The following ANO1 variants were observed in gnomAD, a reference collection of about 807,000 sequenced individuals.
ANO1 encodes anoctamin-1.
In ANO1, 59 loss-of-function variants were observed where a neutral mutation model predicts 124.0. That is an observed-to-expected ratio of 0.48 (90% CI 0.39 to 0.59). The LOEUF (loss-of-function observed/expected upper bound fraction) is 0.59, where lower values mean the gene tolerates loss of function less well. ANO1 is among the 20% of genes least tolerant of loss of function. The probability of loss-of-function intolerance (pLI) is 0.00; values close to 1 mark genes in which losing one functional copy is unlikely to be tolerated. For missense variants in ANO1, 1,059 were observed against 1,328.0 expected (o/e 0.80, Z 3.15); for synonymous variants, 529 against 532.0 (o/e 0.99, Z 0.08).
rs75892674 is a variant in ANO1 at position 70,117,516 on chromosome 11, C to T, written c.897+1017C>T. Among the ~76,000 whole-genome samples, 315 of 152,272 alleles carry T rather than the reference C, an allele frequency of 2.1e-3. 1 individual carries two copies. Among genetic ancestry groups the T allele is most frequent in the African/African-American group, 7.3e-3 (305 of 41,544 alleles). ...AAGCTCTGCTTCTCTACCATGCCCC[C>T]GAAAAGAACATGTCCCCACCACATC... On this transcript the variant is annotated intron_variant, in intron 8 of 25. Coordinates refer to ENST00000355303, the MANE Select transcript of ANO1 (RefSeq NM_018043.7).
intron 24 of ANO1, among the ~76,000 whole-genome samples, chr11:70,183,080 GC>G (rs1327418179): frequency 1.3e-5 from 2 of 152,204 alleles, no homozygotes; most frequent in Non-Finnish European, 2.9e-5. Flanking sequence ...CTGCACTCCA[GC>G]CTGGGCAACA....
intron 2 of ANO1, among the ~76,000 whole-genome samples, chr11:70,094,035 G>A (rs149762011): frequency 2.6e-5 from 4 of 152,290 alleles, no homozygotes; most frequent in African/African-American, 9.6e-5. Flanking sequence ...CTTGTGGAGT[G>A]GTGGGTGAGG....
Position 70,171,069 on chromosome 11 carries a change from G to A in ANO1, c.2350+30G>A. 3 of 1,604,630 alleles carry A rather than the reference G, an allele frequency of 1.9e-6. No homozygotes were observed. The South Asian group carries it at 3.3e-5, about 18-fold the overall frequency. On this transcript the variant is annotated intron_variant, in intron 22 of 25. Transcript: ENST00000355303. ...GTGACCCCACGGGCCGGCAGAACCG[G>A]TTCCGAGTGCGTGCTGGGTTTGGGG...
At chr11:70,010,179 G>GTTTGTGTGTGTATATATATATATATA in intron 1 of ANO1, among the ~76,000 whole-genome samples, 4 of 83,808 alleles carry the variant, frequency 4.8e-5, no homozygotes, top group Admixed American at 2.5e-4. Context: ...GTGTGTGTGT[G>GTTTGTGTGTGTATATATATATATATA]TATATATATA....
chr11:70,009,245 G>C (rs1856547439), intron 1 of ANO1, among the ~76,000 whole-genome samples: 1 of 152,194 alleles, frequency 6.6e-6, no homozygotes, highest in Non-Finnish European at 1.5e-5. Flanking sequence ...CTAGCTGGGA[G>C]CCCACAGATC....
chr11:70,036,205 C>T (rs887007983), intron 1 of ANO1, among the ~76,000 whole-genome samples: 5 of 152,144 alleles, frequency 3.3e-5, no homozygotes, highest in South Asian at 4.1e-4. Context: ...TTCCTTGCCC[C>T]GTACAGTCCC....
chr11:70,030,085 GA>G (rs1409754575), intron 1 of ANO1, among the ~76,000 whole-genome samples: 1 of 152,202 alleles, frequency 6.6e-6, no homozygotes, highest in African/African-American at 2.4e-5. Flanking sequence ...AGGGCAGAGG[GA>G]AACAAAAGCA....
rs138639753 is a variant in ANO1 at position 69,992,516 on chromosome 11, C to T, written c.58+6350C>T. ...CTCTTGGTGAATCCATCAGGATGGGCCAGCCACACCTGGCTGGGCAGGGGA... is the reference window on the plus strand; with the variant it reads ...CTCTTGGTGAATCCATCAGGATGGGTCAGCCACACCTGGCTGGGCAGGGGA... On this transcript the variant is annotated intron_variant, in intron 1 of 27. Transcript: ENST00000531349. 7.0e-3 allele frequency among the ~76,000 whole-genome samples: 1,063 copies of T among 152,246 alleles called. 10 individuals are homozygous for T. The highest frequency in any genetic ancestry group is 0.025 in the African/African-American group (1,030 of 41,530).
Position 70,057,257 on chromosome 11 carries a change from T to G in ANO1, c.59-21285T>G, listed in dbSNP as rs76116153. Among the ~76,000 whole-genome samples the G allele has an allele frequency of 7.2e-4, 110 of 152,320 alleles. 1 individual carries two copies. The highest frequency in any genetic ancestry group is 1.4e-3 in the Non-Finnish European group (93 of 68,024). ...ATGATGTTCTCTTCTTCCGAGAGGA[T>G]TCTTGTCTTTTTGGCAGGCAGAATG... On this transcript the variant is annotated intron_variant, in intron 1 of 27. Transcript: ENST00000531349.
rs142856347 is a variant in ANO1, at chr11:70,104,441, C to T, written c.692+291C>T. Among the ~76,000 whole-genome samples the T allele has an allele frequency of 4.5e-3, 685 of 152,288 alleles. 4 individuals are homozygous for T. The highest frequency in any genetic ancestry group is 0.013 in the African/African-American group (548 of 41,570). ...TCTAGACATGCCTTCCCACCCGCTC[C>T]GCACCCCTGCCCCGCCACCCCATCC... On this transcript the variant is annotated intron_variant, in intron 4 of 25. Transcript: ENST00000355303.
At chr11:70,180,406 G>A (rs1052082294) in intron 23 of ANO1, among the ~76,000 whole-genome samples, 2 of 152,176 alleles carry the variant, frequency 1.3e-5, no homozygotes, top group East Asian at 1.9e-4. Context: ...CCAAGTAGCC[G>A]GGATTACAGG....
intron 1 of ANO1, among the ~76,000 whole-genome samples, chr11:70,034,024 A>C (rs1857052287): frequency 6.6e-6 from 1 of 152,020 alleles, no homozygotes; most frequent in African/African-American, 2.4e-5. Flanking sequence ...GAGGGCAAGC[A>C]TCCCCCATCC....
At chr11:70,076,658 G>T (rs2044062099), upstream of ANO1, among the ~76,000 whole-genome samples, 1 of 152,154 alleles carries the variant, frequency 6.6e-6, no homozygotes, top group African/African-American at 2.4e-5. Context: ...ACTGTTCCTG[G>T]CATGGATTTG....
intron 19 of ANO1, chr11:70,163,670 C>G: frequency 1.8e-6 from 1 of 564,180 alleles, no homozygotes; most frequent in South Asian, 2.3e-5. Context: ...GGTGCAGTGG[C>G]TCATGCCTGT....
At chr11:70,063,982 C>T (rs1034094636) in intron 1 of ANO1, 6 of 152,282 alleles carry the variant, frequency 3.9e-5, no homozygotes, top group South Asian at 2.1e-4. Context: ...GGGTGTAGCC[C>T]GCCAACATCA....
chr11:70,139,689 C>G (rs1289178441), intron 11 of ANO1, among the ~76,000 whole-genome samples: 1 of 152,226 alleles, frequency 6.6e-6, no homozygotes, highest in East Asian at 1.9e-4. Context: ...TGTCTTTGCT[C>G]TCATAAGTAA....
chr11:69,975,762 C>A, the ANO1 span, among the ~76,000 whole-genome samples: 2 of 152,244 alleles, frequency 1.3e-5, no homozygotes, highest in South Asian at 2.1e-4. Flanking sequence ...GCCAGCGAAA[C>A]CTGTCACCAC....
chr11:70,014,271 A>AC lies in ANO1; in HGVS notation c.58+28112dup, dbSNP rs3078425. On this transcript the variant is annotated intron_variant, in intron 1 of 27. Transcript: ENST00000531349. ...TAAAGGAAAAGATTGCAACCCCCCC[A>AC]CCCCCCCACCAAGGACAACGTGCAG... 1.6e-3 allele frequency among the ~76,000 whole-genome samples: 39 copies of AC among 24,986 alleles called. No homozygotes were observed. The South Asian group carries it at 0.073, about 47-fold the overall frequency. The allele number at this position is 24,986 out of a possible 152,430, so 16.4% of individuals were successfully genotyped here.
Position 70,188,033 on chromosome 11 carries a change from C to T in ANO1, c.*29C>T, listed in dbSNP as rs991092027. ...TGCCAGCGGGGCTGGGCAGGCCAGCCGGGCATCCTGACCGATGGGCACCCT... is the reference window on the plus strand; with the variant it reads ...TGCCAGCGGGGCTGGGCAGGCCAGCTGGGCATCCTGACCGATGGGCACCCT... On this transcript the variant is annotated 3_prime_UTR_variant, in exon 26 of 26. Transcript: ENST00000355303. The T allele has an allele frequency of 1.6e-5, 24 of 1,540,926 alleles. No homozygotes were observed. The East Asian group carries it at 1.7e-4, about 11-fold the overall frequency.
Sources: gnomAD v4.1 joint callset for allele counts (sites outside exome capture counted in the v4.1 genomes callset) on GRCh38, gnomAD v4.1.1 for gene constraint, MANE v1.5 for transcripts, NCBI Gene and HGNC (gene_info 2026-07-23, HGNC 2026-07-21) for gene names.